Variants in LCOR observed in about 807,000 individuals in gnomAD.
The protein encoded by LCOR is ligand dependent nuclear receptor corepressor.
LCOR carries 14 observed loss-of-function variants against 64.4 expected under a neutral mutation model. That is an observed-to-expected ratio of 0.22 (90% CI 0.14 to 0.34). The LOEUF is 0.34. LCOR is among the 10% of genes least tolerant of loss of function. The pLI is 1.00. For synonymous variants in LCOR, 643 were observed against 642.5 expected (o/e 1.00, Z -0.01); for missense variants, 1,686 against 1,765.3 (o/e 0.96, Z 0.80).
At chr10:96,930,112 T>A (rs1847232423) in intron 4 of LCOR, among the ~76,000 whole-genome samples, 1 of 152,220 alleles carries the variant, frequency 6.6e-6, no homozygotes, top group South Asian at 2.1e-4. Context: ...TGTCACCATA[T>A]GCTCTTGGGA....
At chr10:96,908,894 T>G (rs1846778707) in intron 4 of LCOR, among the ~76,000 whole-genome samples, 1 of 152,116 alleles carries the variant, frequency 6.6e-6, no homozygotes, top group African/African-American at 2.4e-5. Context: ...TTTTTGTATT[T>G]TTAGTAGAGA....
chr10:96,845,829 A>C (rs1209766147), intron 2 of LCOR, among the ~76,000 whole-genome samples: 2 of 151,992 alleles, frequency 1.3e-5, no homozygotes, highest in South Asian at 2.1e-4. Flanking sequence ...AGAAGTCCAT[A>C]ATCTTTGGTC....
chr10:96,935,870 T>C (rs1000667518), intron 4 of LCOR, among the ~76,000 whole-genome samples: 2 of 152,130 alleles, frequency 1.3e-5, no homozygotes, highest in African/African-American at 2.4e-5. Context: ...AACAGAGAAC[T>C]CCAGAACTCT....
intron 2 of LCOR, among the ~76,000 whole-genome samples, chr10:96,876,090 C>G (rs970174484): frequency 6.6e-6 from 1 of 150,874 alleles, no homozygotes; most frequent in East Asian, 1.9e-4. Flanking sequence ...AGTTCATTTT[C>G]TGTTGCTATG....
In LCOR at chr10:96,984,801, C is replaced by G. The variant is rs1360660239; in HGVS notation, c.4341C>G (p.Pro1447=). 2 of 1,614,058 alleles carry G rather than the reference C, an allele frequency of 1.2e-6. No homozygotes were observed. Among genetic ancestry groups the G allele is most frequent in the Admixed American group, 1.7e-5 (1 of 60,024 alleles). ...CAAGGGACAGAAGCAGCCAACCCCC[C>G]AAAAAGACGTCTTTGAAAGAGAATA... The part of the protein sequence containing the change: ...PAARDRSSQP[P]KKTSLKENKV... The change falls in exon 8 of 8, where the codon CCC becomes CCG. Residue 1447 remains proline (P), a synonymous_variant. Transcript: ENST00000421806.
chr10:96,839,694 T>C (rs1427400928), intron 2 of LCOR, among the ~76,000 whole-genome samples: 1 of 150,090 alleles, frequency 6.7e-6, no homozygotes, highest in Non-Finnish European at 1.5e-5. Flanking sequence ...TTTTCTTGCT[T>C]TTTTTTTTTG....
chr10:96,965,853 G>A (rs1047123635), intron 7 of LCOR, among the ~76,000 whole-genome samples: 23 of 151,998 alleles, frequency 1.5e-4, no homozygotes, highest in Non-Finnish European at 2.9e-4. Context: ...AAGTTCCAAA[G>A]CCATAACTAA....
intron 2 of LCOR, among the ~76,000 whole-genome samples, chr10:96,896,572 C>T (rs1267188256): frequency 6.6e-6 from 1 of 152,020 alleles, no homozygotes; most frequent in Non-Finnish European, 1.5e-5. Flanking sequence ...TACAGGCACA[C>T]ACCACGAAGC....
intron 7 of LCOR, among the ~76,000 whole-genome samples, chr10:96,969,763 C>A (rs924257340): frequency 9.0e-4 from 113 of 125,086 alleles, no homozygotes; most frequent in Non-Finnish European, 1.4e-3. Flanking sequence ...AATTTTCTTT[C>A]TTTTTTTTTT....
rs1848231619 is a variant in LCOR, at chr10:96,995,064, G to A, written c.*9930G>A. 1.3e-5 allele frequency: 2 copies of A among 152,258 alleles called. No individual in the cohort carries two copies. Among genetic ancestry groups the A allele is most frequent in the Admixed American group, 6.5e-5 (1 of 15,284 alleles). 9.4% of individuals were successfully genotyped at this position (152,258 alleles called of 1,614,324 possible). On this transcript the variant is annotated 3_prime_UTR_variant, in exon 8 of 8. Coordinates refer to ENST00000421806, the MANE Select transcript of LCOR (RefSeq NM_001346516.2). The surrounding 1 kb of genome is among the most constrained non-coding windows in gnomAD (Gnocchi z 4.2). ...AATTTAACTGAAGCTCAGGTGCCAC[G>A]TTGGATTTTTATTCTTATTAGGCCG... is the stretch of plus-strand genomic sequence containing the variant.
intron 7 of LCOR, among the ~76,000 whole-genome samples, chr10:96,965,517 C>T (rs956190060): frequency 5.3e-5 from 8 of 150,684 alleles, no homozygotes; most frequent in Admixed American, 4.6e-4. Context: ...AAAAAATTAG[C>T]CGGGCGTGGT....
At chr10:96,863,246 C>A (rs1823695748) in intron 2 of LCOR, among the ~76,000 whole-genome samples, 1 of 145,158 alleles carries the variant, frequency 6.9e-6, no homozygotes, top group Non-Finnish European at 1.5e-5. Flanking sequence ...CTCTGTTGCT[C>A]AGGCTGGAGT....
At chr10:96,898,861 A>G (rs1057008907) in intron 2 of LCOR, among the ~76,000 whole-genome samples, 3 of 152,212 alleles carry the variant, frequency 2.0e-5, no homozygotes, top group African/African-American at 4.8e-5. Flanking sequence ...TGTCATTATT[A>G]TCAACATGAG....
Position 96,983,833 on chromosome 10 carries a change from T to C in LCOR, c.3373T>C (p.Trp1125Arg). 1 of 1,614,028 alleles carries C rather than the reference T, an allele frequency of 6.2e-7. No individual in the cohort carries two copies. The highest frequency in any genetic ancestry group is 8.5e-7 in the Non-Finnish European group (1 of 1,180,006). The change falls in exon 8 of 8, where the codon TGG (tryptophan) becomes CGG (arginine). Residue 1125 changes from tryptophan to arginine, a missense_variant. Physicochemically the swap from Trp to Arg is moderately radical, Grantham distance 101. Coordinates refer to ENST00000421806, the MANE Select transcript of LCOR (RefSeq NM_001346516.2). This position sits in a 1 kb window ranked among gnomAD's most constrained non-coding sequence, Gnocchi z 4.5. ...NAQYMKVQKG[W>R]IQLEKEGQPT... ...CCAGTACATGAAAGTTCAGAAGGGC[T>C]GGATCCAGTTGGAGAAAGAAGGACA... is the stretch of plus-strand genomic sequence containing the variant.
At chr10:96,861,166 T>C (rs886603143) in intron 2 of LCOR, among the ~76,000 whole-genome samples, 1 of 152,190 alleles carries the variant, frequency 6.6e-6, no homozygotes, top group Non-Finnish European at 1.5e-5. Context: ...CTTTGTGGTG[T>C]GACAAATTCA....
intron 7 of LCOR, chr10:96,956,308 C>G: frequency 1.8e-5 from 18 of 993,616 alleles, no homozygotes; most frequent in Non-Finnish European, 2.2e-5. Context: ...AACAAAGCCC[C>G]CTTTTAGAAA....
intron 2 of LCOR, among the ~76,000 whole-genome samples, chr10:96,894,274 T>C (rs1564617864): frequency 6.6e-6 from 1 of 152,020 alleles, no homozygotes; most frequent in East Asian, 1.9e-4. Context: ...GCATTTTTAG[T>C]AGAGGTGGGA....
At chr10:96,872,111 C>T (rs1159132318) in intron 2 of LCOR, among the ~76,000 whole-genome samples, 1 of 152,214 alleles carries the variant, frequency 6.6e-6, no homozygotes, top group Non-Finnish European at 1.5e-5. Context: ...GCCCCACAGT[C>T]TGTAGCTAAC....
chr10:96,984,052 A>G lies in LCOR; in HGVS notation c.3592A>G (p.Ile1198Val), dbSNP rs146052398. 6.2e-7 allele frequency: 1 copy of G among 1,613,960 alleles called. No homozygotes were observed. The highest frequency in any genetic ancestry group is 2.2e-5 in the East Asian group (1 of 44,890). ...LETTETRSLV[I>V]VKKLNTRLPG... ...GACAACTGAAACCCGGTCTCTAGTC[A>G]TTGTGAAGAAGCTCAATACTCGCCT... The change falls in exon 8 of 8, where the codon ATT (isoleucine) becomes GTT (valine). Residue 1198 changes from isoleucine to valine, a missense_variant. Around this residue, in one of 3 missense-constraint regions of LCOR, gnomAD observed 1,293 missense variants for 1,410.4 expected, o/e 0.92. Transcript: ENST00000421806.
Sources: allele counts gnomAD v4.1 joint callset (sites outside exome capture counted in the v4.1 genomes callset), GRCh38; gene constraint gnomAD v4.1.1; regional missense constraint gnomAD v4.1.1; non-coding constraint Gnocchi (gnomAD v3.1); transcripts MANE v1.5; gene names NCBI Gene and HGNC (gene_info 2026-07-23, HGNC 2026-07-21).